Variants in SUGCT observed in about 807,000 individuals in gnomAD.
SUGCT encodes the protein succinyl-CoA:glutarate CoA-transferase.
SUGCT carries 41 observed loss-of-function variants against 55.0 expected under a neutral mutation model. That is an observed-to-expected ratio of 0.74 (90% CI 0.58 to 0.97). SUGCT has a LOEUF of 0.97. SUGCT is among the 50% of genes least tolerant of loss of function. The probability of loss-of-function intolerance (pLI) is 0.00; values close to 1 mark genes in which losing one functional copy is unlikely to be tolerated. For missense variants in SUGCT, 568 were observed against 547.8 expected, an observed-to-expected ratio of 1.04 and a Z score of -0.37; for synonymous variants, 187 against 200.4, an observed-to-expected ratio of 0.93 and a Z score of 0.56.
At chr7:40,476,142 T>C (rs1790660111) in intron 11 of SUGCT, among the ~76,000 whole-genome samples, 1 of 152,202 alleles carries the variant, frequency 6.6e-6, no homozygotes, top group Admixed American at 6.5e-5. Context: ...TAGTAGTACT[T>C]ATGTTATAGG....
chr7:40,766,800 T>G (rs1322920337), intron 13 of SUGCT, among the ~76,000 whole-genome samples: 1 of 152,172 alleles, frequency 6.6e-6, no homozygotes, highest in Admixed American at 6.5e-5. Flanking sequence ...TGTGTTCACG[T>G]GACATATTTT....
At chr7:40,953,435 G>A in the SUGCT span, among the ~76,000 whole-genome samples, 2 of 152,286 alleles carry the variant, frequency 1.3e-5, no homozygotes, top group East Asian at 3.9e-4. Context: ...ATTGTCTGAA[G>A]CCTTCTTCTT....
intron 9 of SUGCT, among the ~76,000 whole-genome samples, chr7:40,443,564 G>C (rs1329778838): frequency 6.6e-6 from 1 of 152,098 alleles, no homozygotes. Flanking sequence ...ACTTTTTGAT[G>C]GGGTGTTTGA....
chr7:40,954,280 C>T, the SUGCT span, among the ~76,000 whole-genome samples: 5 of 152,134 alleles, frequency 3.3e-5, no homozygotes, highest in South Asian at 4.1e-4. Flanking sequence ...CCTGGTGTGC[C>T]GTTTGTGAAG....
intron 1 of SUGCT, among the ~76,000 whole-genome samples, chr7:40,165,619 C>T (rs1395961594): frequency 2.0e-5 from 3 of 152,192 alleles, no homozygotes; most frequent in African/African-American, 7.2e-5. Flanking sequence ...TCATCCCCTA[C>T]TCCCACCCAG....
At chr7:40,742,940 A>G (rs1787542297) in intron 12 of SUGCT, among the ~76,000 whole-genome samples, 1 of 152,190 alleles carries the variant, frequency 6.6e-6, no homozygotes, top group Non-Finnish European at 1.5e-5. Flanking sequence ...TTTTTTGCTT[A>G]GTAAGATATT....
chr7:40,578,378 G>A (rs73308289), intron 12 of SUGCT, among the ~76,000 whole-genome samples: 15,626 of 152,084 alleles, frequency 0.1, 858 homozygotes, highest in Middle Eastern at 0.13. Context: ...CACTCTTCTT[G>A]GCCCCACCTC....
At chr7:40,911,200 C>A in the SUGCT span, among the ~76,000 whole-genome samples, 1 of 152,034 alleles carries the variant, frequency 6.6e-6, no homozygotes, top group African/African-American at 2.4e-5. Flanking sequence ...AGAAGATAAA[C>A]AACAAACAAA....
In SUGCT at chr7:40,195,057, A is replaced by C. The variant is rs1283531483; in HGVS notation, c.481A>C (p.Thr161Pro). The C allele has an allele frequency of 6.2e-7, 1 of 1,612,394 alleles. No individual in the cohort carries two copies. Among genetic ancestry groups the C allele is most frequent in the Non-Finnish European group, 8.5e-7 (1 of 1,179,232 alleles). ...TCCTCACATCATCTATTGTTCCATC[A>C]CAGGTATTTCAACCCCACACCCTTG... ...IAPHIIYCSITGYGQTGPISQ... is the reference protein window; with the variant it reads ...IAPHIIYCSIPGYGQTGPISQ... Residue 161 changes from threonine to proline, a missense_variant, in exon 6 of 14, where the codon ACA (threonine) becomes CCA (proline). Physicochemically the swap from Thr to Pro is conservative, Grantham distance 38. Coordinates refer to ENST00000335693, the MANE Select transcript of SUGCT (RefSeq NM_001193313.2).
At chr7:40,991,552 A>C in the SUGCT span, among the ~76,000 whole-genome samples, 1 of 152,174 alleles carries the variant, frequency 6.6e-6, no homozygotes, top group Non-Finnish European at 1.5e-5. Flanking sequence ...TGTGAAATGC[A>C]ATAAAATGAA....
chr7:40,905,938 A>G, the SUGCT span, among the ~76,000 whole-genome samples: 1 of 152,076 alleles, frequency 6.6e-6, no homozygotes, highest in Admixed American at 6.5e-5. Flanking sequence ...CGCTGGTCTC[A>G]AACTCTTGGC....
At chr7:40,437,473 G>T (rs1254234697) in intron 9 of SUGCT, among the ~76,000 whole-genome samples, 2 of 152,164 alleles carry the variant, frequency 1.3e-5, no homozygotes, top group East Asian at 3.8e-4. Flanking sequence ...AACATGGTTT[G>T]TTCCATGTAA....
chr7:40,596,588 G>A (rs1468341326), intron 12 of SUGCT, among the ~76,000 whole-genome samples: 1 of 152,124 alleles, frequency 6.6e-6, no homozygotes, highest in African/African-American at 2.4e-5. Flanking sequence ...CCATGAATGG[G>A]CCACACACTA....
At chr7:40,250,340 C>T (rs958504280) in intron 7 of SUGCT, among the ~76,000 whole-genome samples, 3 of 150,652 alleles carry the variant, frequency 2.0e-5, no homozygotes, top group Non-Finnish European at 4.4e-5. Flanking sequence ...ATGGAGGTTG[C>T]AGTGAACCGA....
chr7:40,343,631 A>G lies in SUGCT; in HGVS notation c.816+26776A>G, dbSNP rs547227445. On this transcript the variant is annotated intron_variant, in intron 9 of 13. Coordinates refer to ENST00000335693, the MANE Select transcript of SUGCT (RefSeq NM_001193313.2). ...CCCTTCTCTTCCTCTGAACATTTTT[A>G]TTAGTTGAAACTCTTTATTTTTATT... Among the ~76,000 whole-genome samples, 5 of 151,570 alleles carry G rather than the reference A, an allele frequency of 3.3e-5. No individual in the cohort carries two copies. In the South Asian group the frequency reaches 1.0e-3, roughly 32 times the overall value.
chr7:40,997,898 T>G, the SUGCT span, among the ~76,000 whole-genome samples: 1 of 152,298 alleles, frequency 6.6e-6, no homozygotes, highest in East Asian at 1.9e-4. Flanking sequence ...TTGACAATGG[T>G]GTAGACTGTT....
chr7:40,415,478 C>G (rs1305858039), intron 9 of SUGCT, among the ~76,000 whole-genome samples: 1 of 150,310 alleles, frequency 6.7e-6, no homozygotes, highest in African/African-American at 2.4e-5. Context: ...TTTTTTTTCC[C>G]AATCCTCTAT....
At chr7:40,261,892 T>C (rs1791246465) in intron 7 of SUGCT, among the ~76,000 whole-genome samples, 1 of 152,250 alleles carries the variant, frequency 6.6e-6, no homozygotes, top group South Asian at 2.1e-4. Flanking sequence ...AAACTTTTTC[T>C]TGAAGAGCAG....
the SUGCT span, among the ~76,000 whole-genome samples, chr7:40,993,877 C>G: frequency 6.6e-6 from 1 of 152,072 alleles, no homozygotes; most frequent in African/African-American, 2.4e-5. Context: ...ATCCTATTAT[C>G]AGGAACAAGT....
Sources: gnomAD v4.1 joint callset for allele counts (sites outside exome capture counted in the v4.1 genomes callset) on GRCh38, gnomAD v4.1.1 for gene constraint, MANE v1.5 for transcripts, NCBI Gene and HGNC (gene_info 2026-07-23, HGNC 2026-07-21) for gene names.